The following CTNNA3 variants were observed in gnomAD, a reference collection of about 807,000 sequenced individuals.
The protein encoded by CTNNA3 is catenin alpha-3.
A neutral mutation model predicts 95.7 loss-of-function variants in CTNNA3; 76 were observed. The observed-to-expected ratio is 0.79, with a 90% CI of 0.66 to 0.96. The LOEUF is 0.96. Ranked by LOEUF, CTNNA3 falls within the 40% of genes least tolerant of loss-of-function variation. CTNNA3 has a pLI of 0.00. For missense variants in CTNNA3, 1,191 were observed against 1,089.8 expected, an observed-to-expected ratio of 1.09 and a Z score of -1.31; for synonymous variants, 431 against 374.4, an observed-to-expected ratio of 1.15 and a Z score of -1.74.
At chr10:66,417,251 T>C (rs185052565) in intron 11 of CTNNA3, among the ~76,000 whole-genome samples, 3 of 152,038 alleles carry the variant, frequency 2.0e-5, no homozygotes, top group Admixed American at 1.3e-4. Flanking sequence ...ACTCATATCA[T>C]ACAAAACAGA....
chr10:66,768,951 T>G (rs1839974232), intron 8 of CTNNA3, among the ~76,000 whole-genome samples: 1 of 152,120 alleles, frequency 6.6e-6, no homozygotes, highest in Admixed American at 6.6e-5. Context: ...GAAGAGTGAA[T>G]GAGAGATAAG....
At position 66,983,970 on chromosome 10, in the gene CTNNA3, A is replaced by G. The variant is rs73315294; in HGVS notation, c.1047+196347T>C. Among the ~76,000 whole-genome samples the G allele has an allele frequency of 7.5e-3, 1,137 of 152,318 alleles. 18 individuals are homozygous for G. Among genetic ancestry groups the G allele is most frequent in the African/African-American group, 0.026 (1,084 of 41,570 alleles). Reference sequence around the variant, plus strand: ...ACGGTAAATGGTAGATACTATTATTATCTCAATTTTATAGTTGATGATAAT... The same window carrying G: ...ACGGTAAATGGTAGATACTATTATTGTCTCAATTTTATAGTTGATGATAAT... On this transcript the variant is annotated intron_variant, in intron 7 of 17. Coordinates refer to ENST00000433211, the MANE Select transcript of CTNNA3 (RefSeq NM_013266.4).
intron 5 of CTNNA3, among the ~76,000 whole-genome samples, chr10:67,450,360 A>C (rs1846928780): frequency 6.6e-6 from 1 of 152,078 alleles, no homozygotes; most frequent in African/African-American, 2.4e-5. Context: ...TGTTCACTGC[A>C]GCACAATTCA....
chr10:66,110,473 T>A (rs1319187635), intron 13 of CTNNA3, among the ~76,000 whole-genome samples: 1 of 151,898 alleles, frequency 6.6e-6, no homozygotes, highest in East Asian at 1.9e-4. Flanking sequence ...ATTGGATGAA[T>A]GAATAAAGAA....
intron 11 of CTNNA3, among the ~76,000 whole-genome samples, chr10:66,445,569 G>A (rs7093105): frequency 0.016 from 2,460 of 152,178 alleles, 58 homozygotes; most frequent in African/African-American, 0.056. Context: ...GCTCCTGAAT[G>A]ACTACTGGGT....
chr10:66,799,334 AATTAAT>A (rs1841338268), intron 7 of CTNNA3, among the ~76,000 whole-genome samples: 1 of 151,676 alleles, frequency 6.6e-6, no homozygotes, highest in Non-Finnish European at 1.5e-5. Flanking sequence ...AAAGAGCTGT[AATTAAT>A]ATTTCAATAA....
At chr10:67,486,938 G>A (rs1033399031) in intron 5 of CTNNA3, among the ~76,000 whole-genome samples, 4 of 151,872 alleles carry the variant, frequency 2.6e-5, no homozygotes, top group African/African-American at 9.7e-5. Flanking sequence ...TCTTATTTTA[G>A]TTGTAGAAAA....
intron 7 of CTNNA3, among the ~76,000 whole-genome samples, chr10:66,876,523 G>T (rs6480231): frequency 0.43 from 65,171 of 151,904 alleles, 14,272 homozygotes; most frequent in Non-Finnish European, 0.46. Context: ...AATGACTTTT[G>T]TCAAGAATGT....
intron 6 of CTNNA3, among the ~76,000 whole-genome samples, chr10:67,204,002 C>T (rs1318586449): frequency 2.0e-5 from 3 of 151,978 alleles, no homozygotes; most frequent in Non-Finnish European, 4.4e-5. Context: ...GCTGGTAATA[C>T]AGAAAAGGAG....
At chr10:65,971,724 C>G (rs979090901) in intron 16 of CTNNA3, among the ~76,000 whole-genome samples, 3 of 151,956 alleles carry the variant, frequency 2.0e-5, no homozygotes, top group Non-Finnish European at 4.4e-5. Flanking sequence ...CCAAATTCTA[C>G]CAAACATACA....
At chr10:66,454,814 G>A (rs985386791) in intron 11 of CTNNA3, among the ~76,000 whole-genome samples, 18 of 143,746 alleles carry the variant, frequency 1.3e-4, no homozygotes, top group Non-Finnish European at 2.0e-4. Context: ...AGGAGGGAGA[G>A]GAGGGGGAGG....
chr10:66,048,404 G>A (rs1050514438), intron 15 of CTNNA3, among the ~76,000 whole-genome samples: 4 of 152,168 alleles, frequency 2.6e-5, no homozygotes, highest in Admixed American at 2.0e-4. Flanking sequence ...GAATGGTGCT[G>A]TGATAACAGG....
chr10:65,939,242 T>C (rs2077390637), intron 17 of CTNNA3, among the ~76,000 whole-genome samples: 1 of 152,178 alleles, frequency 6.6e-6, no homozygotes, highest in African/African-American at 2.4e-5. Context: ...AGACTAAATA[T>C]TCAATGTACA....
chr10:66,242,397 T>C (rs756104050), intron 13 of CTNNA3, among the ~76,000 whole-genome samples: 5 of 152,074 alleles, frequency 3.3e-5, no homozygotes, highest in Admixed American at 1.3e-4. Flanking sequence ...AGCAAGCCAC[T>C]GACACAGATT....
chr10:67,444,093 C>T (rs1476760284), intron 5 of CTNNA3, among the ~76,000 whole-genome samples: 1 of 152,118 alleles, frequency 6.6e-6, no homozygotes, highest in Non-Finnish European at 1.5e-5. Context: ...GCAGAATACA[C>T]ATTCTTTTCT....
At position 66,766,335 on chromosome 10, in the gene CTNNA3, TAGC is replaced by T; in HGVS notation, c.1207_1209del (p.Ala403del). ...TTTATTTCCTTTTCCCGGCCATTCTTAGCAGCTTCAATGAGAACCAAAAGAGGG... is the reference window on the plus strand; with the variant it reads ...TTTATTTCCTTTTCCCGGCCATTCTTAGCTTCAATGAGAACCAAAAGAGGG... On this transcript the variant is annotated inframe_deletion, in exon 9 of 18. Transcript: ENST00000433211. The T allele has an allele frequency of 1.2e-6, 2 of 1,613,900 alleles. No individual in the cohort carries two copies. The highest frequency in any genetic ancestry group is 8.5e-7 in the Non-Finnish European group (1 of 1,179,848).
intron 13 of CTNNA3, among the ~76,000 whole-genome samples, chr10:66,255,443 C>A (rs1462060818): frequency 2.6e-5 from 4 of 152,052 alleles, no homozygotes; most frequent in Non-Finnish European, 4.4e-5. Flanking sequence ...ATTCAGAGAC[C>A]CCATATGTTC....
At chr10:66,515,120 A>G (rs1840793352) in intron 11 of CTNNA3, among the ~76,000 whole-genome samples, 1 of 152,116 alleles carries the variant, frequency 6.6e-6, no homozygotes, top group African/African-American at 2.4e-5. Context: ...AAAATAGTTT[A>G]AAGTCTAAGA....
At chr10:66,199,103 C>T (rs113938819) in intron 13 of CTNNA3, among the ~76,000 whole-genome samples, 212 of 151,806 alleles carry the variant, frequency 1.4e-3, no homozygotes, top group African/African-American at 5.0e-3. Flanking sequence ...AACATGACTC[C>T]CTACTTTGTT....
Sources: allele counts gnomAD v4.1 joint callset (sites outside exome capture counted in the v4.1 genomes callset), GRCh38; gene constraint gnomAD v4.1.1; transcripts MANE v1.5; gene names NCBI Gene and HGNC (gene_info 2026-07-23, HGNC 2026-07-21).